HERC3: variants seen among roughly 807,000 people sequenced by gnomAD.
HERC3 encodes HECT and RLD domain containing E3 ubiquitin protein ligase 3.
HERC3 carries 58 observed loss-of-function variants against 129.9 expected under a neutral mutation model. The observed-to-expected ratio is 0.45, with a 90% CI of 0.36 to 0.56. The LOEUF is 0.56. Ranked by LOEUF, HERC3 falls within the 20% of genes least tolerant of loss-of-function variation. The probability of loss-of-function intolerance (pLI) is 0.00; values close to 1 mark genes in which losing one functional copy is unlikely to be tolerated. For missense variants in HERC3, 835 were observed against 1,244.2 expected, an observed-to-expected ratio of 0.67 and a Z score of 4.95; for synonymous variants, 430 against 451.0, an observed-to-expected ratio of 0.95 and a Z score of 0.59.
At position 88,704,173 on chromosome 4, in the gene HERC3, T is replaced by C; in HGVS notation, c.2733T>C (p.Ser911=). Residue 911 remains serine (S), a synonymous_variant, in exon 24 of 26, where the codon AGT becomes AGC. Coordinates refer to ENST00000402738, the MANE Select transcript of HERC3 (RefSeq NM_014606.3). ...SVHEWYTAFS[S]GFLKVCGGKV... is the part of the protein sequence containing the mutation. Reference sequence around the variant, plus strand: ...ATGAATGGTACACAGCCTTCTCTAGTGGCTTCCTAAAGGTGTGTGGTGGCA... The same window carrying C: ...ATGAATGGTACACAGCCTTCTCTAGCGGCTTCCTAAAGGTGTGTGGTGGCA... 1.2e-6 allele frequency: 2 copies of C among 1,614,124 alleles called. No homozygotes were observed. The highest frequency in any genetic ancestry group is 2.2e-5 in the South Asian group (2 of 91,078).
At chr4:88,631,446 G>C (rs1465719837) in intron 3 of HERC3, among the ~76,000 whole-genome samples, 2 of 152,166 alleles carry the variant, frequency 1.3e-5, no homozygotes, top group Non-Finnish European at 2.9e-5. Flanking sequence ...GACAAAGTGA[G>C]ATTCTGTCTC....
the HERC3 span, among the ~76,000 whole-genome samples, chr4:88,558,801 G>GA: frequency 0.11 from 16,436 of 144,180 alleles, 1,341 homozygotes; most frequent in East Asian, 0.3. Context: ...GTCTCTACTA[G>GA]AAAAAAAAAA....
intron 1 of HERC3, among the ~76,000 whole-genome samples, chr4:88,594,549 G>A (rs1722128926): frequency 6.6e-6 from 1 of 152,094 alleles, no homozygotes. Context: ...GACCACAGGC[G>A]TGCACCACCA....
At chr4:88,690,497 A>C (rs1465836265) in intron 23 of HERC3, 3 of 985,282 alleles carry the variant, frequency 3.0e-6, no homozygotes, top group Non-Finnish European at 3.6e-6. Context: ...ATTTGTTAGA[A>C]GCTAACAATG....
At position 88,667,938 on chromosome 4, in the gene HERC3, C is replaced by A; in HGVS notation, c.1490C>A (p.Ser497Ter). The A allele has an allele frequency of 6.2e-7, 1 of 1,613,450 alleles. No homozygotes were observed. Among genetic ancestry groups the A allele is most frequent in the South Asian group, 1.1e-5 (1 of 91,016 alleles). ...TGTCTGATTCCCCAGTTGTCAAGCT[C>A]ACCACCAGATGTTGAAGCCATGAGA... The part of the protein sequence containing the change: ...ESCLIPQLSS[S>*]PPDVEAMRIY... Residue 497 changes from serine (S) to a stop codon, truncating the protein, a stop_gained, in exon 14 of 26, where the codon TCA becomes TAA. Coordinates refer to ENST00000402738, the MANE Select transcript of HERC3 (RefSeq NM_014606.3). LOFTEE classifies it high-confidence loss of function.
chr4:88,613,530 C>G (rs983352909), intron 3 of HERC3, among the ~76,000 whole-genome samples: 1 of 152,216 alleles, frequency 6.6e-6, no homozygotes, highest in African/African-American at 2.4e-5. Flanking sequence ...AGAAGTAATG[C>G]TTTCAACCAG....
intron 3 of HERC3, among the ~76,000 whole-genome samples, chr4:88,645,319 T>C (rs2149262755): frequency 6.6e-6 from 1 of 152,294 alleles, no homozygotes; most frequent in Non-Finnish European, 1.5e-5. Flanking sequence ...TATGTCTCTG[T>C]CTTGTTTTCT....
intron 9 of HERC3, chr4:88,657,016 T>C (rs1261285889): frequency 6.6e-6 from 1 of 152,082 alleles, no homozygotes; most frequent in East Asian, 1.9e-4. Context: ...CCTTAAAAAA[T>C]AGTTAAATAG....
rs369054695 is a variant in HERC3 at position 88,649,825 on chromosome 4, A to G, written c.227-15A>G. On this transcript the variant is annotated splice_polypyrimidine_tract_variant and intron_variant, in intron 3 of 25. Transcript: ENST00000402738. ...CTGGGTTGTACATTTTCCTCCTCCAATTTGTCTCTTTCAGAACAAATTGGA... is the reference window on the plus strand; with the variant it reads ...CTGGGTTGTACATTTTCCTCCTCCAGTTTGTCTCTTTCAGAACAAATTGGA... 469 of 1,610,362 alleles carry G rather than the reference A, an allele frequency of 2.9e-4. No individual in the cohort carries two copies. The highest frequency in any genetic ancestry group is 3.9e-4 in the Non-Finnish European group (461 of 1,177,100).
the HERC3 span, among the ~76,000 whole-genome samples, chr4:88,572,178 C>T: frequency 6.6e-6 from 1 of 152,178 alleles, no homozygotes; most frequent in South Asian, 2.1e-4. Context: ...TATCCCAACA[C>T]TTTGGGAGGC....
chr4:88,541,867 A>G, the HERC3 span, among the ~76,000 whole-genome samples: 2 of 152,110 alleles, frequency 1.3e-5, no homozygotes, highest in Non-Finnish European at 2.9e-5. Flanking sequence ...AACAAAATGA[A>G]GGCAGAAATA....
At chr4:88,574,738 C>T in the HERC3 span, among the ~76,000 whole-genome samples, 69 of 152,272 alleles carry the variant, frequency 4.5e-4, no homozygotes, top group African/African-American at 1.4e-3. Flanking sequence ...CATGTGGTAG[C>T]GTGTGTCTGA....
chr4:88,538,778 C>T, the HERC3 span, among the ~76,000 whole-genome samples: 3 of 152,004 alleles, frequency 2.0e-5, no homozygotes, highest in Non-Finnish European at 2.9e-5. Context: ...CTCCTGACCT[C>T]GTGATCTGCC....
At chr4:88,583,143 C>T in the HERC3 span, among the ~76,000 whole-genome samples, 1 of 151,982 alleles carries the variant, frequency 6.6e-6, no homozygotes, top group Admixed American at 6.6e-5. Flanking sequence ...AATAATATTT[C>T]AATAAGAAAG....
chr4:88,525,941 C>T, the HERC3 span, among the ~76,000 whole-genome samples: 390 of 152,294 alleles, frequency 2.6e-3, 1 homozygote, highest in Non-Finnish European at 4.2e-3. Flanking sequence ...GCACAATAAC[C>T]TGATGGTTTC....
chr4:88,589,246 T>C (rs1469748604), upstream of HERC3, among the ~76,000 whole-genome samples: 2 of 151,994 alleles, frequency 1.3e-5, no homozygotes, highest in African/African-American at 2.4e-5. Context: ...TGCCCCACCA[T>C]GCCTATTTTT....
At position 88,670,208 on chromosome 4, in the gene HERC3, A is replaced by G. The variant is rs369504474; in HGVS notation, c.1867A>G (p.Ile623Val). ...TCCTGAGATTTCCAATCTCGTGGACATTCAGGAAGACTACCTCATGTGGTT... is the reference window on the plus strand; with the variant it reads ...TCCTGAGATTTCCAATCTCGTGGACGTTCAGGAAGACTACCTCATGTGGTT... ...YIPEISNLVD[I>V]QEDYLMWFLH... is the part of the protein sequence containing the mutation. Residue 623 changes from isoleucine to valine, a missense_variant, in exon 16 of 26, where the codon ATT becomes GTT. Coordinates refer to ENST00000402738, the MANE Select transcript of HERC3 (RefSeq NM_014606.3). 10 of 1,613,396 alleles carry G rather than the reference A, an allele frequency of 6.2e-6. No individual in the cohort carries two copies. Among genetic ancestry groups the G allele is most frequent in the Non-Finnish European group, 8.5e-6 (10 of 1,179,498 alleles).
chr4:88,601,390 C>T (rs899578484), intron 2 of HERC3, among the ~76,000 whole-genome samples: 1 of 152,162 alleles, frequency 6.6e-6, no homozygotes, highest in East Asian at 1.9e-4. Flanking sequence ...GTGTTGTAAT[C>T]TTTAATTTGT....
At chr4:88,678,200 C>T in intron 19 of HERC3, 66 bp downstream of exon 19, 2 of 1,376,912 alleles carry the variant, frequency 1.5e-6, no homozygotes. Flanking sequence ...GTTGATTAAG[C>T]AGCAGTGATC....
Sources: allele counts gnomAD v4.1 joint callset (sites outside exome capture counted in the v4.1 genomes callset), GRCh38; gene constraint gnomAD v4.1.1; transcripts MANE v1.5; gene names NCBI Gene and HGNC (gene_info 2026-07-23, HGNC 2026-07-21).